PARD3: variants seen among roughly 807,000 people sequenced by gnomAD.
PARD3 encodes the protein partitioning defective 3 homolog.
A neutral mutation model predicts 155.4 loss-of-function variants in PARD3; 75 were observed. The ratio of observed to expected loss-of-function variants is 0.48; its 90% CI spans 0.40 to 0.58. PARD3 has a LOEUF of 0.58. PARD3 is among the 20% of genes least tolerant of loss of function. The pLI, the probability that PARD3 is intolerant of heterozygous loss-of-function variation, is 0.00. For missense variants in PARD3, 1,642 were observed against 1,721.7 expected, an observed-to-expected ratio of 0.95 and a Z score of 0.82; for synonymous variants, 576 against 610.5, an observed-to-expected ratio of 0.94 and a Z score of 0.83.
intron 2 of PARD3, among the ~76,000 whole-genome samples, chr10:34,658,125 G>A (rs1345882180): frequency 2.0e-5 from 3 of 147,584 alleles, no homozygotes; most frequent in South Asian, 2.1e-4. Flanking sequence ...CAGCCTGGGC[G>A]ACAGATCAAG....
chr10:34,210,949 T>C lies in PARD3; in HGVS notation c.3419+58708A>G, dbSNP rs143062726. Among the ~76,000 whole-genome samples, 360 of 152,270 alleles carry C rather than the reference T, an allele frequency of 2.4e-3. 2 individuals carry two copies. Among genetic ancestry groups the C allele is most frequent in the African/African-American group, 8.0e-3 (334 of 41,556 alleles). ...GTTTTTCACCTGTTCAGGTGACACC[T>C]ACCAATCATAAGGGAGGACAGGTGA... On this transcript the variant is annotated intron_variant, in intron 22 of 24. Coordinates refer to ENST00000374788, the MANE Select transcript of PARD3 (RefSeq NM_001184785.2).
intron 1 of PARD3, among the ~76,000 whole-genome samples, chr10:34,743,609 CG>C: frequency 6.6e-6 from 1 of 152,242 alleles, no homozygotes; most frequent in East Asian, 1.9e-4. Context: ...CAAACTCTCC[CG>C]TATCTAAAAA....
chr10:34,619,169 C>A (rs2091459192), intron 2 of PARD3, among the ~76,000 whole-genome samples: 1 of 151,692 alleles, frequency 6.6e-6, no homozygotes, highest in Non-Finnish European at 1.5e-5. Flanking sequence ...TTGTGCCTCA[C>A]CTTCCCAAGT....
chr10:34,638,925 T>C (rs925543969), intron 2 of PARD3, among the ~76,000 whole-genome samples: 3 of 152,240 alleles, frequency 2.0e-5, no homozygotes, highest in African/African-American at 7.2e-5. Context: ...TTAAGTTCTT[T>C]CACAATTCTT....
chr10:34,563,034 G>A (rs1458845617), intron 2 of PARD3, among the ~76,000 whole-genome samples: 1 of 152,080 alleles, frequency 6.6e-6, no homozygotes, highest in Non-Finnish European at 1.5e-5. Flanking sequence ...ATCTCCCAAA[G>A]TGCTGGGATT....
intron 2 of PARD3, among the ~76,000 whole-genome samples, chr10:34,664,911 T>C (rs889321963): frequency 1.3e-5 from 2 of 152,104 alleles, no homozygotes; most frequent in Non-Finnish European, 2.9e-5. Context: ...CTGATTCACT[T>C]CTCTTCTATG....
chr10:34,384,657 C>A (rs928087588), intron 7 of PARD3, among the ~76,000 whole-genome samples: 2 of 152,210 alleles, frequency 1.3e-5, no homozygotes, highest in African/African-American at 2.4e-5. Context: ...AAGACGACTG[C>A]AACTCCCATC....
chr10:34,661,715 G>A (rs1392537583), intron 2 of PARD3, among the ~76,000 whole-genome samples: 1 of 152,166 alleles, frequency 6.6e-6, no homozygotes, highest in East Asian at 1.9e-4. Context: ...AGATTCAATG[G>A]TCTATAATTA....
At chr10:34,468,825 A>T (rs762135781) in intron 4 of PARD3, among the ~76,000 whole-genome samples, 4 of 152,252 alleles carry the variant, frequency 2.6e-5, no homozygotes, top group Non-Finnish European at 5.9e-5. Flanking sequence ...AAGTTGAAAG[A>T]AATATTTAAA....
intron 3 of PARD3, among the ~76,000 whole-genome samples, chr10:34,489,224 G>C (rs916084514): frequency 4.6e-5 from 7 of 152,170 alleles, no homozygotes; most frequent in Non-Finnish European, 7.3e-5. Context: ...TGTAGTCTCA[G>C]CTACTAGGGA....
At chr10:34,143,084 G>A (rs972535140) in intron 22 of PARD3, among the ~76,000 whole-genome samples, 3 of 152,176 alleles carry the variant, frequency 2.0e-5, no homozygotes, top group African/African-American at 7.2e-5. Flanking sequence ...CACTTTGGGA[G>A]GTCAAGGCAG....
At chr10:34,308,790 A>C (rs564851214) in intron 20 of PARD3, among the ~76,000 whole-genome samples, 1 of 152,304 alleles carries the variant, frequency 6.6e-6, no homozygotes, top group South Asian at 2.1e-4. Flanking sequence ...TTTCCTGAGA[A>C]TATCAAAATT....
chr10:34,454,260 A>G (rs531011732), intron 4 of PARD3, among the ~76,000 whole-genome samples: 1 of 152,224 alleles, frequency 6.6e-6, no homozygotes, highest in Admixed American at 6.6e-5. Flanking sequence ...GCATACAAGG[A>G]CTGTAGGCCT....
At chr10:34,179,191 C>T in intron 22 of PARD3, among the ~76,000 whole-genome samples, 1 of 146,766 alleles carries the variant, frequency 6.8e-6, no homozygotes, top group Non-Finnish European at 1.5e-5. Flanking sequence ...CACACACACA[C>T]ACACACACAT....
intron 7 of PARD3, among the ~76,000 whole-genome samples, chr10:34,384,675 G>A (rs1433613433): frequency 6.6e-6 from 1 of 152,198 alleles, no homozygotes; most frequent in Non-Finnish European, 1.5e-5. Flanking sequence ...ATCTTTCTGT[G>A]AAAGTAAAGG....
intron 2 of PARD3, among the ~76,000 whole-genome samples, chr10:34,603,665 G>A (rs1379975436): frequency 2.6e-5 from 4 of 152,282 alleles, no homozygotes; most frequent in Non-Finnish European, 4.4e-5. Flanking sequence ...GTAATAGTAC[G>A]TGAGGCCATA....
chr10:34,461,117 G>A (rs2077623219), intron 4 of PARD3, among the ~76,000 whole-genome samples: 1 of 152,100 alleles, frequency 6.6e-6, no homozygotes, highest in South Asian at 2.1e-4. Flanking sequence ...ATCATAACAG[G>A]AGCAGGAATA....
intron 1 of PARD3, among the ~76,000 whole-genome samples, chr10:34,754,031 T>G (rs1455117820): frequency 6.6e-6 from 1 of 152,158 alleles, no homozygotes; most frequent in African/African-American, 2.4e-5. Context: ...TTTTTTTTTT[T>G]TTAGAGACAT....
At chr10:34,514,741 A>AAC (rs1485192521) in intron 3 of PARD3, among the ~76,000 whole-genome samples, 3 of 152,230 alleles carry the variant, frequency 2.0e-5, no homozygotes, top group African/African-American at 7.2e-5. Context: ...TTTAAATTTT[A>AAC]ACACATAAGG....
Sources: allele counts gnomAD v4.1 joint callset (sites outside exome capture counted in the v4.1 genomes callset), GRCh38; gene constraint gnomAD v4.1.1; transcripts MANE v1.5; gene names NCBI Gene and HGNC (gene_info 2026-07-23, HGNC 2026-07-21).